The following ROBO1 variants were observed in gnomAD, a reference collection of about 807,000 sequenced individuals.
ROBO1 encodes roundabout homolog 1.
ROBO1 carries 149 observed loss-of-function variants against 195.9 expected under a neutral mutation model. The observed-to-expected ratio is 0.76, with a 90% confidence interval of 0.67 to 0.87. ROBO1 has a LOEUF of 0.87. Among genes scored for constraint, ROBO1 ranks in the 40% least tolerant of loss-of-function variants. The probability of loss-of-function intolerance (pLI) is 0.00; values close to 1 mark genes in which losing one functional copy is unlikely to be tolerated. For missense variants in ROBO1, 1,933 were observed against 2,068.3 expected (o/e 0.93, Z 1.27); for synonymous variants, 816 against 733.2 (o/e 1.11, Z -1.82).
chr3:79,171,127 ATTAT>A (rs1182306054), intron 2 of ROBO1, among the ~76,000 whole-genome samples: 1 of 150,088 alleles, frequency 6.7e-6, no homozygotes, highest in Non-Finnish European at 1.5e-5. Context: ...ACTTAAATTC[ATTAT>A]TTAAATAATA....
chr3:79,187,975 G>C (rs572014918), intron 2 of ROBO1, among the ~76,000 whole-genome samples: 1 of 151,962 alleles, frequency 6.6e-6, no homozygotes, highest in East Asian at 1.9e-4. Flanking sequence ...TGAGCTAAAG[G>C]TCTATTCAAA....
intron 2 of ROBO1, among the ~76,000 whole-genome samples, chr3:79,451,104 C>T (rs541108591): frequency 7.9e-5 from 12 of 151,332 alleles, no homozygotes; most frequent in African/African-American, 2.7e-4. Flanking sequence ...CATATTTTAC[C>T]GTAGACTTAA....
At chr3:79,516,103 A>T (rs1178710154) in intron 2 of ROBO1, among the ~76,000 whole-genome samples, 2 of 152,162 alleles carry the variant, frequency 1.3e-5, no homozygotes, top group Non-Finnish European at 2.9e-5. Flanking sequence ...AATGCATATG[A>T]AGAAAAAAAA....
chr3:79,600,649 A>AT (rs5850440), intron 1 of ROBO1, among the ~76,000 whole-genome samples: 26 of 150,592 alleles, frequency 1.7e-4, no homozygotes, highest in South Asian at 4.2e-4. Flanking sequence ...ACGCCTGCTG[A>AT]TTTTTTTTTT....
chr3:78,884,866 CTGTGTGTGTGTG>C (rs376764608), intron 4 of ROBO1, among the ~76,000 whole-genome samples: 1 of 147,182 alleles, frequency 6.8e-6, no homozygotes, highest in Non-Finnish European at 1.5e-5. Flanking sequence ...CTCTCTCTTT[CTGTGTGTGTGTG>C]TGTGTGTGTG....
At chr3:78,860,326 A>ATATATT (rs376853384) in intron 4 of ROBO1, among the ~76,000 whole-genome samples, 4,837 of 93,354 alleles carry the variant, frequency 0.052, 183 homozygotes, top group Middle Eastern at 0.14. Context: ...ATATATATAT[A>ATATATT]TTTTTTTTTT....
intron 1 of ROBO1, among the ~76,000 whole-genome samples, chr3:79,694,314 G>T (rs1947379685): frequency 6.6e-6 from 1 of 150,644 alleles, no homozygotes; most frequent in South Asian, 2.1e-4. Context: ...CAAAAAAAAT[G>T]GCCTATTTAC....
intron 2 of ROBO1, among the ~76,000 whole-genome samples, chr3:79,185,783 A>T (rs1559720701): frequency 6.6e-6 from 1 of 152,118 alleles, no homozygotes; most frequent in African/African-American, 2.4e-5. Context: ...TAAATGTTTC[A>T]TCTTGTGACA....
intron 2 of ROBO1, among the ~76,000 whole-genome samples, chr3:79,389,904 A>G (rs1231686118): frequency 1.3e-5 from 2 of 152,088 alleles, no homozygotes; most frequent in Non-Finnish European, 2.9e-5. Flanking sequence ...CAGGGAAATG[A>G]TGTGATTTCA....
At chr3:78,971,110 G>A (rs770975050) in intron 3 of ROBO1, among the ~76,000 whole-genome samples, 2 of 152,106 alleles carry the variant, frequency 1.3e-5, no homozygotes, top group Non-Finnish European at 2.9e-5. Context: ...ATGTCCAGGG[G>A]CCAGCTGTGG....
intron 3 of ROBO1, among the ~76,000 whole-genome samples, chr3:79,114,567 C>A (rs1442992236): frequency 6.6e-6 from 1 of 152,056 alleles, no homozygotes; most frequent in African/African-American, 2.4e-5. Context: ...GAGCAGTAAG[C>A]AACCATTACT....
At chr3:79,319,771 GAATAT>G (rs1468769189) in intron 2 of ROBO1, among the ~76,000 whole-genome samples, 1 of 151,946 alleles carries the variant, frequency 6.6e-6, no homozygotes, top group Non-Finnish European at 1.5e-5. Flanking sequence ...ACACAACTCA[GAATAT>G]AATAAAAAAT....
chr3:79,416,564 T>C (rs534030763), intron 2 of ROBO1, among the ~76,000 whole-genome samples: 106 of 145,996 alleles, frequency 7.3e-4, no homozygotes, highest in Non-Finnish European at 1.3e-3. Context: ...GCCATGATCA[T>C]GCCACTGCAC....
chr3:79,618,639 A>G (rs991827040), intron 1 of ROBO1, among the ~76,000 whole-genome samples: 13 of 152,078 alleles, frequency 8.5e-5, no homozygotes, highest in Non-Finnish European at 1.9e-4. Context: ...CCTTTTTCAG[A>G]CTAGTCTGCC....
At chr3:78,785,062 T>C (rs59263997) in intron 4 of ROBO1, among the ~76,000 whole-genome samples, 38,835 of 152,086 alleles carry the variant, frequency 0.26, 5,115 homozygotes, top group Non-Finnish European at 0.28. Flanking sequence ...CAAGTGGGTC[T>C]AAAATGTAAC....
chr3:78,682,410 T>C (rs2080939057), intron 10 of ROBO1, among the ~76,000 whole-genome samples: 1 of 150,270 alleles, frequency 6.7e-6, no homozygotes, highest in South Asian at 2.1e-4. Context: ...AAAAAATATA[T>C]ATACACACAA....
chr3:78,665,599 T>C (rs568779860), intron 14 of ROBO1, among the ~76,000 whole-genome samples: 3 of 152,342 alleles, frequency 2.0e-5, no homozygotes, highest in African/African-American at 7.2e-5. Flanking sequence ...CCTTTACTTT[T>C]AGTCCTGACA....
intron 2 of ROBO1, among the ~76,000 whole-genome samples, chr3:79,533,997 C>T (rs1002192329): frequency 1.3e-5 from 2 of 151,812 alleles, no homozygotes; most frequent in African/African-American, 2.4e-5. Context: ...TAAGGTTAGT[C>T]CAGTGTGCTC....
At chr3:79,331,564 G>T (rs1334477703) in intron 2 of ROBO1, among the ~76,000 whole-genome samples, 3 of 152,062 alleles carry the variant, frequency 2.0e-5, no homozygotes, top group Non-Finnish European at 4.4e-5. Flanking sequence ...ATTATCGGTG[G>T]TAACAAAGAT....
Sources: gnomAD v4.1 joint callset for allele counts (sites outside exome capture counted in the v4.1 genomes callset) on GRCh38, gnomAD v4.1.1 for gene constraint, MANE v1.5 for transcripts, NCBI Gene and HGNC (gene_info 2026-07-23, HGNC 2026-07-21) for gene names.